ANKFN1: variants seen among roughly 807,000 people sequenced by gnomAD.
ANKFN1 encodes the protein ankyrin repeat and fibronectin type-III domain-containing protein 1.
A neutral mutation model predicts 108.7 loss-of-function variants in ANKFN1; 74 were observed. That is an observed-to-expected ratio of 0.68 (90% CI 0.56 to 0.83). The LOEUF (loss-of-function observed/expected upper bound fraction) is 0.83, where lower values mean the gene tolerates loss of function less well. Among genes scored for constraint, ANKFN1 ranks in the 40% least tolerant of loss-of-function variants. ANKFN1 has a pLI of 0.00. For synonymous variants in ANKFN1, 547 were observed against 516.2 expected, an observed-to-expected ratio of 1.06 and a Z score of -0.81; for missense variants, 1,505 against 1,382.3, an observed-to-expected ratio of 1.09 and a Z score of -1.41.
chr17:56,467,288 G>A (rs149075863), intron 15 of ANKFN1, among the ~76,000 whole-genome samples: 32 of 152,240 alleles, frequency 2.1e-4, no homozygotes, highest in Middle Eastern at 6.8e-3. Flanking sequence ...GTACATGGGT[G>A]TGTATGTACA....
chr17:56,356,616 C>G (rs758973924), intron 6 of ANKFN1, among the ~76,000 whole-genome samples: 4 of 152,130 alleles, frequency 2.6e-5, no homozygotes, highest in Non-Finnish European at 5.9e-5. Flanking sequence ...CAAAAGAGCT[C>G]TATAGTCAAA....
At chr17:56,368,462 T>G (rs1319350260) in intron 6 of ANKFN1, among the ~76,000 whole-genome samples, 1 of 151,578 alleles carries the variant, frequency 6.6e-6, no homozygotes, top group East Asian at 1.9e-4. Flanking sequence ...GTATTTTTAG[T>G]AGAGACAGGG....
At chr17:56,121,949 T>C (rs888216029) in intron 4 of ANKFN1, among the ~76,000 whole-genome samples, 7 of 151,916 alleles carry the variant, frequency 4.6e-5, no homozygotes, top group East Asian at 3.9e-4. Context: ...GTAGCAGGGG[T>C]TGCTGGGGGG....
At chr17:56,475,094 T>C (rs1047523520) in intron 15 of ANKFN1, among the ~76,000 whole-genome samples, 7 of 152,168 alleles carry the variant, frequency 4.6e-5, no homozygotes, top group Admixed American at 2.6e-4. Flanking sequence ...TGTGTACCTA[T>C]TTTATACAGA....
chr17:56,278,494 A>C (rs1428401167), intron 3 of ANKFN1, among the ~76,000 whole-genome samples: 1 of 152,222 alleles, frequency 6.6e-6, no homozygotes, highest in Non-Finnish European at 1.5e-5. Context: ...AAACTTCAAA[A>C]TGTTGCTGGT....
chr17:56,314,637 G>A (rs2045145002), intron 3 of ANKFN1, among the ~76,000 whole-genome samples: 1 of 152,122 alleles, frequency 6.6e-6, no homozygotes, highest in South Asian at 2.1e-4. Flanking sequence ...CAGGTCAAGT[G>A]GCCAAAGACT....
chr17:56,311,066 T>C (rs1413743026), intron 3 of ANKFN1, among the ~76,000 whole-genome samples: 1 of 152,102 alleles, frequency 6.6e-6, no homozygotes, highest in Non-Finnish European at 1.5e-5. Context: ...TAGCATAATG[T>C]CCTCCAGGTT....
intron 10 of ANKFN1, among the ~76,000 whole-genome samples, chr17:56,444,056 C>G (rs920256623): frequency 5.9e-5 from 9 of 152,090 alleles, no homozygotes; most frequent in Admixed American, 5.9e-4. Flanking sequence ...CCAGTCTGTA[C>G]GATGATGTGT....
Position 56,097,199 on chromosome 17 carries a change from C to T in ANKFN1, c.288+50874C>T, listed in dbSNP as rs555328333. On this transcript the variant is annotated intron_variant, in intron 4 of 12. Transcript: ENST00000635860. ...CAAACTCCTATGACATGCAATTTAC[C>T]TATATAACAAACCTGCACATGTACC... 3.3e-5 allele frequency among the ~76,000 whole-genome samples: 5 copies of T among 152,232 alleles called. No individual in the cohort carries two copies. The East Asian group carries it at 9.6e-4, about 29-fold the overall frequency.
chr17:56,285,390 C>T (rs551517825), intron 3 of ANKFN1, among the ~76,000 whole-genome samples: 24 of 152,310 alleles, frequency 1.6e-4, no homozygotes, highest in South Asian at 4.1e-4. Flanking sequence ...CTTCCTTCTA[C>T]TCCTTTTCTT....
intron 8 of ANKFN1, among the ~76,000 whole-genome samples, chr17:56,388,006 A>T (rs2047323817): frequency 6.6e-6 from 1 of 152,196 alleles, no homozygotes; most frequent in South Asian, 2.1e-4. Flanking sequence ...ATAATGAAAA[A>T]TAGGCAGTGG....
intron 3 of ANKFN1, among the ~76,000 whole-genome samples, chr17:56,245,426 G>C (rs1384188467): frequency 6.6e-6 from 1 of 152,058 alleles, no homozygotes; most frequent in Admixed American, 6.6e-5. Flanking sequence ...ACTTCTGCTG[G>C]ACTTCTTGAA....
intron 1 of ANKFN1, among the ~76,000 whole-genome samples, chr17:56,153,888 G>A (rs988643948): frequency 1.3e-5 from 2 of 152,136 alleles, no homozygotes; most frequent in African/African-American, 2.4e-5. Flanking sequence ...CCATGTTAAT[G>A]CCAACTCTTG....
At chr17:56,160,660 G>A (rs187000906) in intron 1 of ANKFN1, among the ~76,000 whole-genome samples, 2 of 152,264 alleles carry the variant, frequency 1.3e-5, no homozygotes, top group African/African-American at 4.8e-5. Flanking sequence ...TATAAGAGAT[G>A]GGAGCTGCCG....
intron 4 of ANKFN1, among the ~76,000 whole-genome samples, chr17:56,068,200 A>G (rs567816366): frequency 3.9e-5 from 6 of 152,272 alleles, no homozygotes; most frequent in African/African-American, 1.4e-4. Context: ...CCCTCTGTGA[A>G]GCATCCCTTG....
chr17:56,290,301 C>T (rs1301125696), intron 3 of ANKFN1, among the ~76,000 whole-genome samples: 3 of 152,168 alleles, frequency 2.0e-5, no homozygotes, highest in African/African-American at 7.2e-5. Context: ...GCAATTTAAA[C>T]AGGAACTTAA....
At chr17:56,238,758 T>A (rs1598288302) in intron 3 of ANKFN1, among the ~76,000 whole-genome samples, 1 of 152,170 alleles carries the variant, frequency 6.6e-6, no homozygotes, top group East Asian at 1.9e-4. Context: ...TAAGTTTGAA[T>A]AATTTAATTT....
intron 4 of ANKFN1, among the ~76,000 whole-genome samples, chr17:56,067,147 C>T (rs1905069220): frequency 6.6e-6 from 1 of 152,076 alleles, no homozygotes; most frequent in Admixed American, 6.5e-5. Flanking sequence ...CGAGATTGCA[C>T]CACTGCACTC....
intron 4 of ANKFN1, among the ~76,000 whole-genome samples, chr17:56,335,938 T>G (rs1281476726): frequency 6.6e-6 from 1 of 152,240 alleles, no homozygotes; most frequent in Non-Finnish European, 1.5e-5. Context: ...GCTGTTGAAT[T>G]TTGTCAAAGG....
Sources: gnomAD v4.1 joint callset for allele counts (sites outside exome capture counted in the v4.1 genomes callset) on GRCh38, gnomAD v4.1.1 for gene constraint, MANE v1.5 for transcripts, NCBI Gene and HGNC (gene_info 2026-07-23, HGNC 2026-07-21) for gene names.